Variants in CEP128 observed in about 807,000 individuals in gnomAD.
CEP128 encodes centrosomal protein 128kDa.
A neutral mutation model predicts 156.7 loss-of-function variants in CEP128; 132 were observed. The observed-to-expected ratio is 0.84, with a 90% CI of 0.73 to 0.97. The LOEUF (loss-of-function observed/expected upper bound fraction) is 0.97, where lower values mean the gene tolerates loss of function less well. CEP128 is among the 50% of genes least tolerant of loss of function. The probability of loss-of-function intolerance (pLI) is 0.00; values close to 1 mark genes in which losing one functional copy is unlikely to be tolerated. For missense variants in CEP128, 1,252 were observed against 1,281.9 expected (o/e 0.98, Z 0.36); for synonymous variants, 469 against 448.9 (o/e 1.04, Z -0.57).
intron 23 of CEP128, among the ~76,000 whole-genome samples, chr14:80,512,855 A>G (rs575342499): frequency 6.6e-6 from 1 of 152,244 alleles, no homozygotes; most frequent in African/African-American, 2.4e-5. Flanking sequence ...GAGAAAACCA[A>G]TAAAAACACT....
intron 19 of CEP128, among the ~76,000 whole-genome samples, chr14:80,660,824 T>A (rs1364168549): frequency 6.6e-6 from 1 of 152,172 alleles, no homozygotes; most frequent in Non-Finnish European, 1.5e-5. Flanking sequence ...GGCTATCCTG[T>A]CTCTTCAGCA....
At chr14:80,632,064 A>C (rs1432449553) in intron 19 of CEP128, among the ~76,000 whole-genome samples, 1 of 152,140 alleles carries the variant, frequency 6.6e-6, no homozygotes, top group Non-Finnish European at 1.5e-5. Flanking sequence ...ACCTGATTAA[A>C]AAGGTGCTGC....
chr14:80,911,737 T>G (rs1444470339), intron 4 of CEP128, among the ~76,000 whole-genome samples: 4 of 152,138 alleles, frequency 2.6e-5, no homozygotes, highest in Non-Finnish European at 4.4e-5. Context: ...GTAGATTTGG[T>G]CGTTCAGTAA....
chr14:80,545,869 G>A (rs1218400514), intron 21 of CEP128, among the ~76,000 whole-genome samples: 1 of 152,176 alleles, frequency 6.6e-6, no homozygotes, highest in Non-Finnish European at 1.5e-5. Flanking sequence ...AACCATAGTT[G>A]TACATTACAA....
chr14:80,929,269 G>A (rs1885318966), intron 2 of CEP128, among the ~76,000 whole-genome samples: 1 of 152,170 alleles, frequency 6.6e-6, no homozygotes, highest in Non-Finnish European at 1.5e-5. Context: ...CACTACTGAT[G>A]GAAATGTAAA....
intron 19 of CEP128, among the ~76,000 whole-genome samples, chr14:80,704,435 C>T (rs545981506): frequency 6.6e-5 from 10 of 151,566 alleles, no homozygotes; most frequent in East Asian, 2.0e-4. Flanking sequence ...AAGAGGAAGA[C>T]GTATACACAT....
chr14:80,756,700 C>T (rs944887741), intron 18 of CEP128, among the ~76,000 whole-genome samples, 192 bp downstream of exon 18: 2 of 152,118 alleles, frequency 1.3e-5, no homozygotes, highest in Non-Finnish European at 2.9e-5. Flanking sequence ...TCTAGGCCTA[C>T]ATATTTAACT....
At chr14:80,627,297 C>T (rs2140700686) in intron 19 of CEP128, among the ~76,000 whole-genome samples, 1 of 152,250 alleles carries the variant, frequency 6.6e-6, no homozygotes, top group East Asian at 1.9e-4. Context: ...ACAACTGTCC[C>T]AAGTCATTAA....
intron 19 of CEP128, among the ~76,000 whole-genome samples, chr14:80,647,689 G>A (rs868412294): frequency 6.2e-4 from 94 of 152,082 alleles, no homozygotes; most frequent in African/African-American, 2.2e-3. Context: ...GGTGAATAGC[G>A]ACCAGGCATG....
chr14:80,512,790 T>C (rs957411143), intron 23 of CEP128, among the ~76,000 whole-genome samples: 5 of 152,018 alleles, frequency 3.3e-5, no homozygotes, highest in African/African-American at 9.7e-5. Context: ...ACATAACATG[T>C]TATTTTAAAC....
At chr14:80,656,309 A>ATTTTATATATATATATT (rs1191403906) in intron 19 of CEP128, among the ~76,000 whole-genome samples, 3 of 14,102 alleles carry the variant, frequency 2.1e-4, no homozygotes, top group African/African-American at 5.8e-4. Flanking sequence ...ATATATATAT[A>ATTTTATATATATATATT]TATATATATA....
At chr14:80,916,373 T>C in intron 3 of CEP128, 28 bp downstream of exon 3, 3 of 1,574,214 alleles carry the variant, frequency 1.9e-6, no homozygotes, top group Non-Finnish European at 2.6e-6. Flanking sequence ...ATTTAAATTC[T>C]ATTAAATGCA....
chr14:80,703,516 A>G (rs1897141310), intron 19 of CEP128, among the ~76,000 whole-genome samples: 1 of 152,052 alleles, frequency 6.6e-6, no homozygotes. Flanking sequence ...GAAATTAGAA[A>G]AAAAAAAGTG....
intron 10 of CEP128, among the ~76,000 whole-genome samples, chr14:80,839,658 G>GGGACC (rs1886257219): frequency 6.6e-6 from 1 of 152,062 alleles, no homozygotes; most frequent in Admixed American, 6.5e-5. Flanking sequence ...TTGGGTGCAT[G>GGGACC]GGACCTCTCT....
chr14:80,517,421 T>C (rs1274179838), intron 23 of CEP128, among the ~76,000 whole-genome samples: 4 of 152,110 alleles, frequency 2.6e-5, no homozygotes, highest in Admixed American at 2.0e-4. Flanking sequence ...AAATTCTGTA[T>C]TAATTTTTAT....
At chr14:80,623,239 C>G (rs1178516968) in intron 19 of CEP128, among the ~76,000 whole-genome samples, 1 of 146,084 alleles carries the variant, frequency 6.8e-6, no homozygotes, top group Non-Finnish European at 1.5e-5. Context: ...TGTTCTCACT[C>G]ATAGGTGGGA....
At chr14:80,674,101 A>G (rs566107200) in intron 19 of CEP128, among the ~76,000 whole-genome samples, 2 of 151,966 alleles carry the variant, frequency 1.3e-5, no homozygotes, top group East Asian at 1.9e-4. Context: ...GAAAATGCAC[A>G]TATTTTTGGT....
intron 9 of CEP128, among the ~76,000 whole-genome samples, chr14:80,842,876 T>G (rs1886409374): frequency 6.6e-6 from 1 of 151,990 alleles, no homozygotes; most frequent in African/African-American, 2.4e-5. Context: ...TTTTACACGT[T>G]GAAGATCACA....
chr14:80,640,924 TAAA>T (rs1483196145), intron 19 of CEP128, among the ~76,000 whole-genome samples: 1 of 152,214 alleles, frequency 6.6e-6, no homozygotes, highest in African/African-American at 2.4e-5. Context: ...TGAAGCCAGA[TAAA>T]TATCCAGCTC....
Sources: gnomAD v4.1 joint callset for allele counts (sites outside exome capture counted in the v4.1 genomes callset) on GRCh38, gnomAD v4.1.1 for gene constraint, MANE v1.5 for transcripts, NCBI Gene and HGNC (gene_info 2026-07-23, HGNC 2026-07-21) for gene names.